MERTK: variants seen among roughly 807,000 people sequenced by gnomAD.
MERTK encodes the protein tyrosine-protein kinase Mer.
Under a neutral mutation model 99.3 loss-of-function variants are expected in MERTK, and 69 were observed. That is an observed-to-expected ratio of 0.70 (90% CI 0.57 to 0.85). The LOEUF (loss-of-function observed/expected upper bound fraction) is 0.85, where lower values mean the gene tolerates loss of function less well. Ranked by LOEUF, MERTK falls within the 40% of genes least tolerant of loss-of-function variation. The pLI is 0.00. For missense variants in MERTK, 1,125 were observed against 1,249.4 expected, an observed-to-expected ratio of 0.90 and a Z score of 1.50; for synonymous variants, 426 against 467.6, an observed-to-expected ratio of 0.91 and a Z score of 1.15.
intron 18 of MERTK, 81 bp from the exon 19 acceptor site, chr2:112,028,270 A>G (rs539474981): frequency 7.0e-7 from 1 of 1,431,848 alleles, no homozygotes; most frequent in Non-Finnish European, 9.8e-7. Flanking sequence ...TGTGATAAAG[A>G]TTCTGTAAAA....
At chr2:111,924,611 G>A (rs1157149913) in intron 1 of MERTK, among the ~76,000 whole-genome samples, 2 of 152,092 alleles carry the variant, frequency 1.3e-5, no homozygotes, top group African/African-American at 2.4e-5. Context: ...CCCTCATCAA[G>A]CCTAGCTCTG....
intron 1 of MERTK, among the ~76,000 whole-genome samples, chr2:111,911,380 TG>T (rs146757643): frequency 0.035 from 5,334 of 152,046 alleles, 293 homozygotes; most frequent in African/African-American, 0.12. Context: ...CTCCTCCTTT[TG>T]TTTTTTTGTT....
Position 112,022,579 on chromosome 2 carries a change from G to A in MERTK, c.2486+185G>A, listed in dbSNP as rs773735242. 41 of 918,074 alleles carry A rather than the reference G, an allele frequency of 4.5e-5. No homozygotes were observed. The Middle Eastern group carries it at 1.3e-3, about 29-fold the overall frequency. 56.9% of individuals were successfully genotyped at this position (918,074 alleles called of 1,614,324 possible). A position where few individuals can be genotyped will look rare whatever the true frequency, so the allele number is the denominator to read the frequency against. ...CCATTCCTGATGTGGGAGATAGTGT[G>A]TGGTATCTCCAGTGAGCCCACTGAG... On this transcript the variant is annotated intron_variant, in intron 18 of 18. Transcript: ENST00000295408.
At chr2:111,956,850 A>C (rs549084166) in intron 4 of MERTK, among the ~76,000 whole-genome samples, 1 of 151,964 alleles carries the variant, frequency 6.6e-6, no homozygotes, top group South Asian at 2.1e-4. Context: ...GGATCTCACT[A>C]TGTTGTCCAG....
intron 1 of MERTK, among the ~76,000 whole-genome samples, chr2:111,917,349 T>G (rs1011781349): frequency 6.6e-6 from 1 of 152,182 alleles, no homozygotes; most frequent in Admixed American, 6.5e-5. Context: ...GATTTCTCAC[T>G]TGACTTTTGC....
intron 4 of MERTK, among the ~76,000 whole-genome samples, chr2:111,961,156 CTTTTTT>C (rs1052197732): frequency 4.1e-5 from 4 of 98,054 alleles, no homozygotes; most frequent in Non-Finnish European, 6.1e-5. Flanking sequence ...AATTTTCTTT[CTTTTTT>C]TTTTTTTTTT....
Position 111,975,959 on chromosome 2 carries a change from G to A in MERTK, c.1144+487G>A, listed in dbSNP as rs150592086. On this transcript the variant is annotated intron_variant, in intron 7 of 18. Transcript: ENST00000295408. ...CAGGCCTCCCCTCCCTCCCAACCCC[G>A]TCCCCAGCCTTTAGATGCCAATCAC... 4.2e-3 allele frequency among the ~76,000 whole-genome samples: 594 copies of A among 140,296 alleles called. 2 individuals carry two copies. The highest frequency in any genetic ancestry group is 0.014 in the African/African-American group (563 of 39,294). 92.0% of individuals were successfully genotyped at this position (140,296 alleles called of 152,430 possible). A position where few individuals can be genotyped will look rare whatever the true frequency, so the allele number is the denominator to read the frequency against.
At chr2:111,998,303 A>G (rs927763647) in intron 10 of MERTK, among the ~76,000 whole-genome samples, 6 of 152,218 alleles carry the variant, frequency 3.9e-5, no homozygotes, top group African/African-American at 9.6e-5. Flanking sequence ...TTGAACATAT[A>G]ATTGACTAAA....
At chr2:111,914,847 A>G (rs917095759) in intron 1 of MERTK, among the ~76,000 whole-genome samples, 1 of 152,006 alleles carries the variant, frequency 6.6e-6, no homozygotes, top group African/African-American at 2.4e-5. Flanking sequence ...AAGAATGTTG[A>G]TCTGTTTTTT....
intron 8 of MERTK, among the ~76,000 whole-genome samples, chr2:111,990,181 T>C (rs1244443051): frequency 6.6e-6 from 1 of 152,202 alleles, no homozygotes; most frequent in Non-Finnish European, 1.5e-5. Context: ...CTTTACATAC[T>C]TGGCACCAAA....
At chr2:111,930,482 C>CA (rs1196164488) in intron 2 of MERTK, 3 of 151,054 alleles carry the variant, frequency 2.0e-5, no homozygotes, top group African/African-American at 4.9e-5. Context: ...AAAAAACCCC[C>CA]AAAAAAAAGC....
Position 111,947,566 on chromosome 2 carries a change from A to C in MERTK, c.756A>C (p.Pro252=), listed in dbSNP as rs3761702. Residue 252 remains proline (P), a splice_region_variant and synonymous_variant, in exon 4 of 19, where the codon CCA becomes CCC. Coordinates refer to ENST00000295408, the MANE Select transcript of MERTK (RefSeq NM_006343.3). ...AATCCCCCTCCGTGCTAACTGTTCC[A>C]GGTAAGTCCGAGCTGTGGGCTTATT... The part of the protein sequence containing the change: ...PEKSPSVLTV[P]GLTEMAVFSC... 1.0e-4 allele frequency: 163 copies of C among 1,614,004 alleles called. No individual in the cohort carries two copies. In the East Asian group the frequency reaches 3.4e-3, roughly 34 times the overall value.
At chr2:112,010,632 A>G (rs1031624373) in intron 15 of MERTK, among the ~76,000 whole-genome samples, 1 of 152,118 alleles carries the variant, frequency 6.6e-6, no homozygotes, top group South Asian at 2.1e-4. Context: ...AGGACCATGG[A>G]GACGCTTGCC....
intron 2 of MERTK, among the ~76,000 whole-genome samples, chr2:111,944,537 C>CTGGTTT (rs1558781453): frequency 6.6e-6 from 1 of 151,830 alleles, no homozygotes; most frequent in African/African-American, 2.4e-5. Context: ...GGAATTAGCT[C>CTGGTTT]ACACACAGTG....
At chr2:111,969,845 C>T (rs1426314292) in intron 6 of MERTK, among the ~76,000 whole-genome samples, 1 of 152,110 alleles carries the variant, frequency 6.6e-6, no homozygotes, top group Admixed American at 6.5e-5. Flanking sequence ...GCCCCCGCCA[C>T]CGCGCCCAGC....
intron 3 of MERTK, among the ~76,000 whole-genome samples, chr2:111,945,683 G>A (rs962084798): frequency 7.2e-5 from 11 of 152,236 alleles, no homozygotes; most frequent in African/African-American, 2.7e-4. Context: ...ACTCTAATGG[G>A]CAATGTGAGC....
At chr2:111,928,314 C>A (rs1270422238) in intron 1 of MERTK, among the ~76,000 whole-genome samples, 1 of 143,622 alleles carries the variant, frequency 7.0e-6, no homozygotes, top group African/African-American at 2.6e-5. Flanking sequence ...CAGCCTTGAT[C>A]TCCTGGGCTC....
rs111467555 is a variant in MERTK, at chr2:112,012,415, C to A, written c.2079+2349C>A. On this transcript the variant is annotated intron_variant, in intron 15 of 18. Transcript: ENST00000295408. ...AGAGAAGCTTCTTGTTTTTGGAGTC[C>A]CCTCTTCTTGGCTTGTTCATTATAA... 1.2e-3 allele frequency among the ~76,000 whole-genome samples: 186 copies of A among 151,190 alleles called. 1 individual carries two copies. The highest frequency in any genetic ancestry group is 4.3e-3 in the African/African-American group (178 of 41,196).
At chr2:111,971,146 T>C (rs1412669434) in intron 6 of MERTK, among the ~76,000 whole-genome samples, 1 of 152,036 alleles carries the variant, frequency 6.6e-6, no homozygotes. Context: ...TTTTATTCTT[T>C]GAGGTTAGTA....
Sources: gnomAD v4.1 joint callset for allele counts (sites outside exome capture counted in the v4.1 genomes callset) on GRCh38, gnomAD v4.1.1 for gene constraint, MANE v1.5 for transcripts, NCBI Gene and HGNC (gene_info 2026-07-23, HGNC 2026-07-21) for gene names.